The following MLXIP variants were observed in gnomAD, a reference collection of about 807,000 sequenced individuals.
MLXIP encodes the protein MLX-interacting protein.
Under a neutral mutation model 87.2 loss-of-function variants are expected in MLXIP, and 30 were observed. The ratio of observed to expected loss-of-function variants is 0.34; its 90% confidence interval spans 0.26 to 0.47. The LOEUF (loss-of-function observed/expected upper bound fraction) is 0.47. Among genes scored for constraint, MLXIP ranks in the 20% least tolerant of loss-of-function variants. The probability of loss-of-function intolerance (pLI) is 1.00; values close to 1 mark genes in which losing one functional copy is unlikely to be tolerated. For missense variants in MLXIP, 1,002 were observed against 1,240.1 expected (o/e 0.81, Z 2.88); for synonymous variants, 530 against 514.0 (o/e 1.03, Z -0.42).
chr12:122,124,531 C>T (rs75172941), intron 1 of MLXIP, among the ~76,000 whole-genome samples: 2,657 of 148,740 alleles, frequency 0.018, 68 homozygotes, highest in African/African-American at 0.063. Context: ...GCCTGGCACT[C>T]GGAGCTGACC....
chr12:122,109,370 C>T (rs1952568473), intron 1 of MLXIP, among the ~76,000 whole-genome samples: 1 of 151,940 alleles, frequency 6.6e-6, no homozygotes, highest in Non-Finnish European at 1.5e-5. Context: ...TGCCCAACTA[C>T]TTTTTGTATT....
intron 1 of MLXIP, 63 bp downstream of exon 1, chr12:122,079,329 G>T: frequency 1.4e-6 from 2 of 1,448,274 alleles, no homozygotes; most frequent in Non-Finnish European, 9.4e-7. Flanking sequence ...AAACAAGCGT[G>T]GAGGGAAGGG....
intron 1 of MLXIP, among the ~76,000 whole-genome samples, chr12:122,121,307 CTTTTTTTTTT>C (rs35967072): frequency 8.5e-6 from 1 of 118,226 alleles, no homozygotes; most frequent in Non-Finnish European, 1.7e-5. Context: ...TGTGCCCAGC[CTTTTTTTTTT>C]TTTTTTTTTT....
intron 1 of MLXIP, among the ~76,000 whole-genome samples, chr12:122,118,902 C>T (rs572770860): frequency 6.6e-6 from 1 of 150,476 alleles, no homozygotes; most frequent in Non-Finnish European, 1.5e-5. Context: ...CACGGTGGCT[C>T]GTGCCTGTAA....
intron 15 of MLXIP, 139 bp from the exon 16 acceptor site, chr12:122,140,815 T>G: frequency 7.5e-7 from 1 of 1,335,938 alleles, no homozygotes; most frequent in South Asian, 1.2e-5. Flanking sequence ...GATCTCTCCC[T>G]CTTTTCCCCA....
chr12:122,146,608 CTT>C lies in MLXIP; in HGVS notation c.*4798_*4799del, dbSNP rs1313812272. ...GGGAACTCTTCACGTTGAATGTTGACTTTGTGTGTATGCGTGTGTGTGTGTGT... is the reference window on the plus strand; with the variant it reads ...GGGAACTCTTCACGTTGAATGTTGACTGTGTGTATGCGTGTGTGTGTGTGT... On this transcript the variant is annotated 3_prime_UTR_variant, in exon 17 of 17. Transcript: ENST00000319080. The C allele has an allele frequency of 2.1e-5, 3 of 140,682 alleles. No individual in the cohort carries two copies. The highest frequency in any genetic ancestry group is 7.8e-5 in the African/African-American group (3 of 38,486). 8.7% of individuals were successfully genotyped at this position (140,682 alleles called of 1,614,324 possible). A position where few individuals can be genotyped will look rare whatever the true frequency, so the allele number is the denominator to read the frequency against.
intron 1 of MLXIP, among the ~76,000 whole-genome samples, chr12:122,112,613 C>A (rs1338067620): frequency 6.6e-6 from 1 of 151,300 alleles, no homozygotes; most frequent in African/African-American, 2.4e-5. Flanking sequence ...TGCCACTGCA[C>A]TCCAGCCTGG....
intron 7 of MLXIP, among the ~76,000 whole-genome samples, chr12:122,131,835 C>T (rs1484353441): frequency 1.3e-5 from 2 of 150,722 alleles, no homozygotes; most frequent in East Asian, 2.0e-4. Context: ...TGGACTTAAG[C>T]GATCCTTCCG....
chr12:122,114,542 C>T (rs2135947468), intron 1 of MLXIP, among the ~76,000 whole-genome samples: 1 of 152,256 alleles, frequency 6.6e-6, no homozygotes, highest in East Asian at 1.9e-4. Flanking sequence ...TTAGCCTTTC[C>T]TCTGGAGGTT....
rs772187741 is a variant in MLXIP, at chr12:122,130,908, C to G, written c.975C>G (p.Phe325Leu). The change falls in exon 7 of 17, where the codon TTC becomes TTG. Residue 325 changes from phenylalanine to leucine, a missense_variant. Transcript: ENST00000319080. ...TTCCTTTGCAGCCTAACCTGGACTT[C>G]ATGGACACCTTTGAGCCTTTCCAGG... ...GLIPLQPNLD[F>L]MDTFEPFQDL... 1.9e-6 allele frequency: 3 copies of G among 1,613,680 alleles called. No individual in the cohort carries two copies. The South Asian group carries it at 3.3e-5, about 18-fold the overall frequency.
In MLXIP at chr12:122,078,895, C is replaced by T. The variant is rs562811256; in HGVS notation, c.42C>T (p.Arg14=). 271 of 1,144,620 alleles carry T rather than the reference C, an allele frequency of 2.4e-4. 1 individual carries two copies. The East Asian group carries it at 0.014, about 58-fold the overall frequency. 70.9% of individuals were successfully genotyped at this position (1,144,620 alleles called of 1,614,324 possible). Residue 14 remains arginine, a synonymous_variant, in exon 1 of 17, where the codon CGC becomes CGT. Transcript: ENST00000319080. The part of the protein sequence containing the change: ...DVFMCSPRRP[R]SRGRQVLLKP... ...TCATGTGCTCCCCGCGCCGGCCTCG[C>T]AGCCGGGGCCGCCAGGTGCTGCTCA...
At chr12:122,121,972 C>T (rs2135959712) in intron 1 of MLXIP, among the ~76,000 whole-genome samples, 2 of 152,316 alleles carry the variant, frequency 1.3e-5, no homozygotes, top group South Asian at 2.1e-4. Context: ...ACGTGCCAGG[C>T]CCTGTGCTGG....
intron 3 of MLXIP, 25 bp from the exon 4 acceptor site, chr12:122,129,112 A>T (rs755186497): frequency 3.2e-6 from 5 of 1,575,228 alleles, no homozygotes. Flanking sequence ...CCCCCTCTTC[A>T]CTCTGCTCTC....
At chr12:122,089,602 A>T (rs1952216881) in intron 1 of MLXIP, among the ~76,000 whole-genome samples, 2 of 151,982 alleles carry the variant, frequency 1.3e-5, no homozygotes, top group African/African-American at 2.4e-5. Flanking sequence ...AAATGGACCC[A>T]TTGTAAGTGT....
At chr12:122,134,015 G>A (rs772815682) in intron 9 of MLXIP, 28 bp downstream of exon 9, 40 of 1,567,764 alleles carry the variant, frequency 2.6e-5, no homozygotes, top group Non-Finnish European at 3.3e-5. Context: ...ACTCAGTGCG[G>A]GGCTCCCCCC....
At position 122,139,631 on chromosome 12, in the gene MLXIP, C is replaced by T. The variant is rs567789549; in HGVS notation, c.2508+693C>T. 8.5e-5 allele frequency among the ~76,000 whole-genome samples: 13 copies of T among 152,300 alleles called. 1 individual carries two copies. Among genetic ancestry groups the T allele is most frequent in the South Asian group, 4.1e-4 (2 of 4,830 alleles). ...GCTGCAGCTATCGGGCAGGGCAGGG[C>T]GCAGCACCTGTGTGTGCTGGAAGGG... On this transcript the variant is annotated intron_variant, in intron 15 of 16. Transcript: ENST00000319080.
At chr12:122,113,954 G>GCTCCCAAA (rs1179923912) in intron 1 of MLXIP, among the ~76,000 whole-genome samples, 6 of 150,990 alleles carry the variant, frequency 4.0e-5, no homozygotes, top group Non-Finnish European at 7.4e-5. Context: ...CAAAGTGCTG[G>GCTCCCAAA]GATTACAGGC....
rs549569031 is a variant in MLXIP at position 122,119,321 on chromosome 12, C to G, written c.414-7935C>G. The stretch of plus-strand genomic sequence containing the variant: ...TCTTGTAGGTCTTCCCTATGTGTTA[C>G]CACATAGAAATGTGTTATTTTAAAA... On this transcript the variant is annotated intron_variant, in intron 1 of 16. Transcript: ENST00000319080. Among the ~76,000 whole-genome samples the G allele has an allele frequency of 2.3e-3, 351 of 152,230 alleles. 1 individual carries two copies. The highest frequency in any genetic ancestry group is 4.2e-3 in the Non-Finnish European group (286 of 68,020).
At position 122,141,187 on chromosome 12, in the gene MLXIP, G is replaced by C. The variant is rs965585966; in HGVS notation, c.2638+104G>C. 41 of 1,451,816 alleles carry C rather than the reference G, an allele frequency of 2.8e-5. No homozygotes were observed. In the Middle Eastern group the frequency reaches 7.2e-4, roughly 25 times the overall value. The allele number at this position is 1,451,816 out of a possible 1,614,324, so 89.9% of individuals were successfully genotyped here. On this transcript the variant is annotated intron_variant, in intron 16 of 16. Transcript: ENST00000319080. ...GCCAGACTCCACTGCAGGCAGCCAG[G>C]TGGGGCCGGGGCAGGGGCACAGTGC...
Sources: gnomAD v4.1 joint callset for allele counts (sites outside exome capture counted in the v4.1 genomes callset) on GRCh38, gnomAD v4.1.1 for gene constraint, MANE v1.5 for transcripts, NCBI Gene and HGNC (gene_info 2026-07-23, HGNC 2026-07-21) for gene names.